The following PPARGC1A variants were observed in gnomAD, a reference collection of about 807,000 sequenced individuals.
The protein encoded by PPARGC1A is peroxisome proliferator-activated receptor gamma coactivator 1-alpha.
PPARGC1A carries 25 observed loss-of-function variants against 88.7 expected under a neutral mutation model. That is an observed-to-expected ratio of 0.28 (90% CI 0.21 to 0.39). The LOEUF (loss-of-function observed/expected upper bound fraction) is 0.39, where lower values mean the gene tolerates loss of function less well. PPARGC1A is among the 10% of genes least tolerant of loss of function. PPARGC1A has a pLI of 1.00. For missense variants in PPARGC1A, 880 were observed against 968.7 expected (o/e 0.91, Z 1.22); for synonymous variants, 363 against 355.6 (o/e 1.02, Z -0.24).
chr4:23,810,617 T>C (rs931517465), intron 10 of PPARGC1A, among the ~76,000 whole-genome samples: 3 of 152,234 alleles, frequency 2.0e-5, no homozygotes, highest in Non-Finnish European at 4.4e-5. Context: ...ACATCATTTA[T>C]TTACATGCTT....
At chr4:24,331,906 G>T in the PPARGC1A span, among the ~76,000 whole-genome samples, 1 of 151,950 alleles carries the variant, frequency 6.6e-6, no homozygotes, top group South Asian at 2.1e-4. Flanking sequence ...CATGCATTAG[G>T]TATTTGTCCT....
At chr4:24,027,304 T>C in the PPARGC1A span, among the ~76,000 whole-genome samples, 1 of 151,832 alleles carries the variant, frequency 6.6e-6, no homozygotes, top group Admixed American at 6.6e-5. Flanking sequence ...ACATGGGCTA[T>C]AGAACCAGAC....
chr4:23,792,999 T>G lies in PPARGC1A; in HGVS notation c.*2823A>C, dbSNP rs1716914231. ...ATCTGTAGTGCTGTCTTTTGATAAG[T>G]AAGAAAAGAAACCAAGTATTCCACT... On this transcript the variant is annotated 3_prime_UTR_variant, in exon 13 of 13. Transcript: ENST00000264867. The G allele has an allele frequency of 6.6e-6, 1 of 152,398 alleles. No individual in the cohort carries two copies. Among genetic ancestry groups the G allele is most frequent in the African/African-American group, 2.4e-5 (1 of 41,396 alleles). 9.4% of individuals were successfully genotyped at this position (152,398 alleles called of 1,614,324 possible). A position where few individuals can be genotyped will look rare whatever the true frequency, so the allele number is the denominator to read the frequency against.
At chr4:23,844,472 AT>A (rs1727675197) in intron 2 of PPARGC1A, among the ~76,000 whole-genome samples, 1 of 61,074 alleles carries the variant, frequency 1.6e-5, no homozygotes, top group South Asian at 5.9e-4. Flanking sequence ...TATATTCTAT[AT>A]TAATATATTA....
At chr4:23,860,136 G>A (rs1024798611) in intron 2 of PPARGC1A, among the ~76,000 whole-genome samples, 1 of 151,988 alleles carries the variant, frequency 6.6e-6, no homozygotes, top group Non-Finnish European at 1.5e-5. Context: ...GCCAAGTGTG[G>A]TGGCACGCAC....
At chr4:24,033,466 G>A in the PPARGC1A span, among the ~76,000 whole-genome samples, 2 of 151,956 alleles carry the variant, frequency 1.3e-5, no homozygotes, top group Admixed American at 1.3e-4. Context: ...CAGAAGAGCA[G>A]TGTAAGAGAG....
Position 23,802,348 on chromosome 4 carries a change from A to G in PPARGC1A, c.2020-3T>C, listed in dbSNP as rs758275918. 20 of 1,613,570 alleles carry G rather than the reference A, an allele frequency of 1.2e-5. No homozygotes were observed. Among genetic ancestry groups the G allele is most frequent in the Non-Finnish European group, 1.6e-5 (19 of 1,179,850 alleles). Reference sequence around the variant, plus strand: ...ACATAAATCACACGGCGCTCTTCCTATGGGGGGAAGGAAGGAGAGAGTTCT... The same window carrying G: ...ACATAAATCACACGGCGCTCTTCCTGTGGGGGGAAGGAAGGAGAGAGTTCT... On this transcript the variant is annotated splice_region_variant and splice_polypyrimidine_tract_variant and intron_variant, in intron 10 of 12. Coordinates refer to ENST00000264867, the MANE Select transcript of PPARGC1A (RefSeq NM_013261.5).
rs138685271 is a variant in PPARGC1A at position 23,817,758 on chromosome 4, T to A, written c.878-3153A>T. On this transcript the variant is annotated intron_variant, in intron 7 of 12. Coordinates refer to ENST00000264867, the MANE Select transcript of PPARGC1A (RefSeq NM_013261.5). ...TACTGAAACATCTCTAACCGGAGAATATCTCAAAGCAAGATTGAGAAATCT... is the reference window on the plus strand; with the variant it reads ...TACTGAAACATCTCTAACCGGAGAAAATCTCAAAGCAAGATTGAGAAATCT... Among the ~76,000 whole-genome samples, 458 of 152,300 alleles carry A rather than the reference T, an allele frequency of 3.0e-3. 5 individuals are homozygous for A. The South Asian group carries it at 0.031, about 10-fold the overall frequency.
the PPARGC1A span, among the ~76,000 whole-genome samples, chr4:24,083,250 G>C: frequency 1.3e-5 from 2 of 152,108 alleles, no homozygotes; most frequent in Non-Finnish European, 2.9e-5. Context: ...ACCATCAAAT[G>C]CTTTGGCTGT....
At chr4:24,407,021 T>TG in the PPARGC1A span, among the ~76,000 whole-genome samples, 5 of 152,158 alleles carry the variant, frequency 3.3e-5, no homozygotes, top group Non-Finnish European at 7.3e-5. Flanking sequence ...GAGCCTTTTC[T>TG]TTTTCAGCTA....
chr4:23,965,328 A>C, the PPARGC1A span, among the ~76,000 whole-genome samples: 6 of 152,268 alleles, frequency 3.9e-5, no homozygotes, highest in Admixed American at 3.9e-4. Context: ...GGCAGAGTTC[A>C]CCTCTTATCA....
chr4:24,273,753 A>C, the PPARGC1A span, among the ~76,000 whole-genome samples: 9 of 133,886 alleles, frequency 6.7e-5, no homozygotes, highest in African/African-American at 2.5e-4. Flanking sequence ...TTTTTGAGAC[A>C]GAGTTTCACT....
chr4:23,959,582 G>C, the PPARGC1A span, among the ~76,000 whole-genome samples: 1 of 152,038 alleles, frequency 6.6e-6, no homozygotes, highest in Non-Finnish European at 1.5e-5. Context: ...AAAATCACTT[G>C]CCTGCCTTCC....
chr4:24,328,961 C>T, the PPARGC1A span, among the ~76,000 whole-genome samples: 1 of 152,306 alleles, frequency 6.6e-6, no homozygotes, highest in East Asian at 1.9e-4. Context: ...TCCGTTGAAC[C>T]TTCCACAGTT....
the PPARGC1A span, among the ~76,000 whole-genome samples, chr4:24,006,578 G>C: frequency 2.6e-5 from 4 of 152,210 alleles, no homozygotes; most frequent in South Asian, 8.3e-4. Flanking sequence ...TGAAGGGAAA[G>C]AAAGGCTTGG....
the PPARGC1A span, among the ~76,000 whole-genome samples, chr4:24,232,017 T>C: frequency 1.3e-5 from 2 of 152,238 alleles, no homozygotes. Context: ...TCTACTTTTC[T>C]GTGGCTGTCT....
the PPARGC1A span, among the ~76,000 whole-genome samples, chr4:24,331,019 A>G: frequency 6.6e-6 from 1 of 152,332 alleles, no homozygotes; most frequent in Non-Finnish European, 1.5e-5. Context: ...GGTACATTTA[A>G]AGATAGGCAT....
chr4:24,225,365 T>C, the PPARGC1A span, among the ~76,000 whole-genome samples: 1 of 152,018 alleles, frequency 6.6e-6, no homozygotes. Context: ...GTCAGGAAAT[T>C]GAGACCATCC....
At chr4:24,336,824 A>G in the PPARGC1A span, among the ~76,000 whole-genome samples, 2 of 152,212 alleles carry the variant, frequency 1.3e-5, no homozygotes, top group East Asian at 1.9e-4. Context: ...GCTACTTGGG[A>G]GGCTAAGGAA....
Sources: allele counts gnomAD v4.1 joint callset (sites outside exome capture counted in the v4.1 genomes callset), GRCh38; gene constraint gnomAD v4.1.1; transcripts MANE v1.5; gene names NCBI Gene and HGNC (gene_info 2026-07-23, HGNC 2026-07-21).